The following MAEA variants were observed in gnomAD, a reference collection of about 807,000 sequenced individuals.
MAEA encodes E3 ubiquitin-protein transferase MAEA.
MAEA carries 22 observed loss-of-function variants against 46.2 expected under a neutral mutation model. That is an observed-to-expected ratio of 0.48 (90% CI 0.34 to 0.68). The LOEUF (loss-of-function observed/expected upper bound fraction) is 0.68, where lower values mean the gene tolerates loss of function less well. Ranked by LOEUF, MAEA falls within the 30% of genes least tolerant of loss-of-function variation. The pLI is 0.01. For synonymous variants in MAEA, 246 were observed against 222.6 expected, an observed-to-expected ratio of 1.11 and a Z score of -0.94; for missense variants, 393 against 558.1, an observed-to-expected ratio of 0.70 and a Z score of 2.98.
In MAEA at chr4:1,311,242, C is replaced by T. The variant is rs939068736; in HGVS notation, c.70-737C>T. Among the ~76,000 whole-genome samples the T allele has an allele frequency of 2.0e-5, 3 of 152,188 alleles. No homozygotes were observed. The highest frequency in any genetic ancestry group is 4.8e-5 in the African/African-American group (2 of 41,442). On this transcript the variant is annotated intron_variant, in intron 1 of 8. Coordinates refer to ENST00000303400, the MANE Select transcript of MAEA (RefSeq NM_001017405.3). This position sits in a 1 kb window ranked among gnomAD's most constrained non-coding sequence, Gnocchi z 4.4. The stretch of plus-strand genomic sequence containing the variant: ...CCAGGACCGCAGGTGGTGTTTCCTG[C>T]GGGAGCCCGGCCACGGAGGCCGGGG...
chr4:1,319,129 A>T (rs939513305), intron 3 of MAEA, among the ~76,000 whole-genome samples: 1 of 152,214 alleles, frequency 6.6e-6, no homozygotes, highest in Admixed American at 6.5e-5. Context: ...AGGCGAGCGG[A>T]TCTGTTGAGC....
intron 5 of MAEA, chr4:1,330,155 A>C (rs529941454): frequency 1.4e-3 from 1,387 of 985,234 alleles, no homozygotes; most frequent in Non-Finnish European, 1.6e-3. Context: ...TAACGCCTTT[A>C]ATTTTTAGTA....
chr4:1,326,907 G>GGTAGGTA (rs1738913168), intron 4 of MAEA, among the ~76,000 whole-genome samples: 1 of 151,980 alleles, frequency 6.6e-6, no homozygotes, highest in Non-Finnish European at 1.5e-5. Context: ...CTACCGACCT[G>GGTAGGTA]GGTCCTGCCT....
intron 6 of MAEA, chr4:1,335,293 G>A (rs1478440099): frequency 4.1e-6 from 4 of 985,376 alleles, no homozygotes; most frequent in Non-Finnish European, 4.8e-6. Flanking sequence ...TGTCCTTCCA[G>A]CTGTGTGAGT....
At chr4:1,297,136 G>C (rs1184331310) in intron 1 of MAEA, among the ~76,000 whole-genome samples, 5 of 152,340 alleles carry the variant, frequency 3.3e-5, no homozygotes, top group African/African-American at 1.2e-4. Flanking sequence ...GGCCCCAGAC[G>C]AGCCCCAGAC....
chr4:1,326,336 C>T (rs892872914), intron 4 of MAEA, among the ~76,000 whole-genome samples: 4 of 152,222 alleles, frequency 2.6e-5, no homozygotes, highest in African/African-American at 7.2e-5. Context: ...AGACTCGCTC[C>T]GTGGTGCCCA....
intron 1 of MAEA, among the ~76,000 whole-genome samples, chr4:1,301,573 A>T (rs756250600): frequency 1.4e-4 from 22 of 152,232 alleles, no homozygotes; most frequent in Non-Finnish European, 2.4e-4. Flanking sequence ...ACAGCGGCTC[A>T]TGCCTGTAAT....
intron 3 of MAEA, among the ~76,000 whole-genome samples, chr4:1,318,575 C>G (rs56184931): frequency 0.045 from 6,801 of 151,888 alleles, 316 homozygotes; most frequent in East Asian, 0.18. Flanking sequence ...GACTGGGTTG[C>G]GGGGGAGGGG....
At chr4:1,330,325 T>TCTCTCTC in intron 5 of MAEA, 1 of 160,198 alleles carries the variant, frequency 6.2e-6, no homozygotes, top group Non-Finnish European at 1.3e-5. Context: ...TCTCTCTCTC[T>TCTCTCTC]TTCCGTGTGT....
chr4:1,324,385 G>T (rs1478162023), intron 4 of MAEA, among the ~76,000 whole-genome samples: 3 of 136,706 alleles, frequency 2.2e-5, no homozygotes, highest in South Asian at 2.6e-4. Flanking sequence ...TGAAGTTGAG[G>T]TTGGATGCCT....
At chr4:1,298,420 A>G (rs1300132311) in intron 1 of MAEA, among the ~76,000 whole-genome samples, 1 of 151,872 alleles carries the variant, frequency 6.6e-6, no homozygotes, top group African/African-American at 2.4e-5. Flanking sequence ...TTATCCACGA[A>G]GAGGCACACG....
At chr4:1,302,265 C>T (rs1407160005) in intron 1 of MAEA, among the ~76,000 whole-genome samples, 1 of 152,212 alleles carries the variant, frequency 6.6e-6, no homozygotes, top group African/African-American at 2.4e-5. Context: ...ACATAATCAT[C>T]TCAATAGATG....
At chr4:1,322,639 G>A in intron 4 of MAEA, 136 bp downstream of exon 4, 3 of 1,138,694 alleles carry the variant, frequency 2.6e-6, no homozygotes, top group Middle Eastern at 3.0e-4. Context: ...GGGTTTGGGA[G>A]TTTTTTTGGT....
intron 1 of MAEA, among the ~76,000 whole-genome samples, chr4:1,297,097 C>CA (rs1342679986): frequency 6.6e-6 from 1 of 152,218 alleles, no homozygotes; most frequent in African/African-American, 2.4e-5. Flanking sequence ...ATACCAGGCG[C>CA]AAAACCAAAT....
intron 4 of MAEA, 52 bp from the exon 5 acceptor site, chr4:1,327,575 C>T: frequency 7.2e-7 from 1 of 1,391,936 alleles, no homozygotes. Context: ...ACCCGGGCAC[C>T]TGGGCTCTGT....
chr4:1,327,708 G>A lies in MAEA; in HGVS notation c.656+5G>A. 1 of 1,613,038 alleles carries A rather than the reference G, an allele frequency of 6.2e-7. No homozygotes were observed. The highest frequency in any genetic ancestry group is 8.5e-7 in the Non-Finnish European group (1 of 1,179,478). On this transcript the variant is annotated splice_donor_5th_base_variant and intron_variant, in intron 5 of 8. Transcript: ENST00000303400. ...TAAGAGACTGGACGCTGTGAGGTAGGCATTGCGGACGTGCGTCTCCTCGAG... is the reference window on the plus strand; with the variant it reads ...TAAGAGACTGGACGCTGTGAGGTAGACATTGCGGACGTGCGTCTCCTCGAG...
intron 1 of MAEA, among the ~76,000 whole-genome samples, chr4:1,294,250 G>A (rs2108849536): frequency 6.6e-6 from 1 of 152,370 alleles, no homozygotes; most frequent in South Asian, 2.1e-4. Flanking sequence ...GTTTGCTGGT[G>A]GTTTGGCCCT....
chr4:1,313,626 C>G (rs1483329089), intron 2 of MAEA, among the ~76,000 whole-genome samples: 10 of 152,132 alleles, frequency 6.6e-5, no homozygotes, highest in Non-Finnish European at 5.9e-5. Flanking sequence ...ACTCAGGAGG[C>G]TGAGGCAGAA....
At chr4:1,322,788 G>GA (rs1738295127) in intron 4 of MAEA, among the ~76,000 whole-genome samples, 1 of 152,108 alleles carries the variant, frequency 6.6e-6, no homozygotes, top group Admixed American at 6.6e-5. Flanking sequence ...TGGGGCTGCT[G>GA]GGCTTAGAGC....
Sources: allele counts gnomAD v4.1 joint callset (sites outside exome capture counted in the v4.1 genomes callset), GRCh38; gene constraint gnomAD v4.1.1; non-coding constraint Gnocchi (gnomAD v3.1); transcripts MANE v1.5; gene names NCBI Gene and HGNC (gene_info 2026-07-23, HGNC 2026-07-21).